SLC35F3: variants seen among roughly 807,000 people sequenced by gnomAD.
SLC35F3 encodes putative thiamine transporter SLC35F3.
In SLC35F3, 25 loss-of-function variants were observed where a neutral mutation model predicts 49.9. The ratio of observed to expected loss-of-function variants is 0.50; its 90% confidence interval spans 0.37 to 0.70. The LOEUF (loss-of-function observed/expected upper bound fraction) is 0.70. SLC35F3 is among the 30% of genes least tolerant of loss of function. The pLI, the probability that SLC35F3 is intolerant of heterozygous loss-of-function variation, is 0.00. For missense variants in SLC35F3, 525 were observed against 639.8 expected (o/e 0.82, Z 1.94); for synonymous variants, 275 against 265.4 (o/e 1.04, Z -0.35).
chr1:234,199,020 C>A (rs579714), intron 2 of SLC35F3, among the ~76,000 whole-genome samples: 54,918 of 150,566 alleles, frequency 0.36, 17,505 homozygotes, highest in East Asian at 0.89. Context: ...GGAGTTCAAG[C>A]CTAGCTTGGG....
intron 4 of SLC35F3, among the ~76,000 whole-genome samples, chr1:234,314,593 T>G (rs1379705413): frequency 2.0e-5 from 3 of 152,128 alleles, no homozygotes; most frequent in Non-Finnish European, 4.4e-5. Flanking sequence ...AAACCCCGTC[T>G]CTACTAAAAA....
At chr1:234,251,928 G>A (rs1392190788) in intron 3 of SLC35F3, among the ~76,000 whole-genome samples, 3 of 151,686 alleles carry the variant, frequency 2.0e-5, no homozygotes, top group African/African-American at 7.3e-5. Flanking sequence ...CCTACTGTAA[G>A]CCTAGATAAA....
intron 3 of SLC35F3, among the ~76,000 whole-genome samples, chr1:234,259,452 T>C (rs536446567): frequency 9.2e-5 from 14 of 152,228 alleles, no homozygotes; most frequent in African/African-American, 3.4e-4. Flanking sequence ...AGGATGCTTC[T>C]CCAGATGCAG....
intron 2 of SLC35F3, among the ~76,000 whole-genome samples, chr1:234,068,885 T>C (rs1203545492): frequency 2.6e-4 from 35 of 132,976 alleles, no homozygotes; most frequent in Admixed American, 4.2e-4. Context: ...TTACATATTT[T>C]TTATATTTAT....
intron 2 of SLC35F3, among the ~76,000 whole-genome samples, chr1:233,939,280 T>A (rs1484821515): frequency 1.3e-5 from 2 of 152,054 alleles, no homozygotes; most frequent in African/African-American, 4.8e-5. Context: ...AACAACACCC[T>A]GTCTGTGCAA....
At chr1:233,913,709 T>C (rs1661922691) in intron 2 of SLC35F3, among the ~76,000 whole-genome samples, 1 of 152,224 alleles carries the variant, frequency 6.6e-6, no homozygotes, top group Admixed American at 6.5e-5. Flanking sequence ...TCCAGAATTA[T>C]CCTGCATAGA....
intron 2 of SLC35F3, among the ~76,000 whole-genome samples, chr1:234,001,324 C>T (rs946860228): frequency 1.3e-5 from 2 of 152,186 alleles, no homozygotes; most frequent in Admixed American, 1.3e-4. Context: ...AACTCTTGAT[C>T]AACAAGCAAC....
chr1:234,226,066 T>G, intron 2 of SLC35F3, among the ~76,000 whole-genome samples: 1 of 152,348 alleles, frequency 6.6e-6, no homozygotes. Flanking sequence ...TTCGGCATGA[T>G]AGAAATGTTC....
intron 3 of SLC35F3, among the ~76,000 whole-genome samples, chr1:234,301,432 T>C (rs1426602747): frequency 6.6e-6 from 1 of 151,932 alleles, no homozygotes; most frequent in Non-Finnish European, 1.5e-5. Context: ...AACAAACATA[T>C]GAAAAAAATG....
intron 3 of SLC35F3, among the ~76,000 whole-genome samples, chr1:234,273,268 G>C (rs74821111): frequency 6.6e-6 from 1 of 152,140 alleles, no homozygotes; most frequent in Non-Finnish European, 1.5e-5. Context: ...CCTTATACAG[G>C]CTGTTGCCTA....
chr1:234,243,545 G>A (rs114737708), intron 3 of SLC35F3, among the ~76,000 whole-genome samples: 204 of 152,310 alleles, frequency 1.3e-3, no homozygotes, highest in Middle Eastern at 6.8e-3. Flanking sequence ...AGTAGATTGA[G>A]GGACACATGT....
chr1:234,213,434 C>T (rs748843969), intron 2 of SLC35F3: 6 of 152,236 alleles, frequency 3.9e-5, no homozygotes, highest in African/African-American at 9.7e-5. Context: ...CTGCATGAGC[C>T]CTGTGTGTCC....
At chr1:234,172,350 C>G (rs1666411490) in intron 2 of SLC35F3, among the ~76,000 whole-genome samples, 2 of 152,206 alleles carry the variant, frequency 1.3e-5, no homozygotes. Context: ...ACTCAGCCTC[C>G]CAAGTAGCTG....
intron 2 of SLC35F3, among the ~76,000 whole-genome samples, chr1:234,073,901 C>A (rs1664756338): frequency 6.6e-6 from 1 of 152,052 alleles, no homozygotes; most frequent in Non-Finnish European, 1.5e-5. Context: ...ACCATCTGGG[C>A]CATTTTTAAG....
chr1:234,322,084 A>G (rs1218052920), intron 7 of SLC35F3, among the ~76,000 whole-genome samples: 1 of 151,672 alleles, frequency 6.6e-6, no homozygotes, highest in African/African-American at 2.4e-5. Context: ...AGTGCCAGCT[A>G]CTCAGGAGGC....
chr1:233,914,407 A>G (rs1030455736), intron 2 of SLC35F3, among the ~76,000 whole-genome samples: 2 of 152,068 alleles, frequency 1.3e-5, no homozygotes, highest in Non-Finnish European at 2.9e-5. Context: ...TCCCTCCTAC[A>G]TCAATGTCTT....
intron 2 of SLC35F3, among the ~76,000 whole-genome samples, chr1:234,186,009 G>A (rs563987403): frequency 6.2e-4 from 95 of 152,280 alleles, no homozygotes; most frequent in African/African-American, 2.2e-3. Flanking sequence ...TGAGTGCCGC[G>A]TAGACAGTTT....
chr1:233,906,755 C>T (rs961022008), intron 2 of SLC35F3, among the ~76,000 whole-genome samples: 1 of 151,608 alleles, frequency 6.6e-6, no homozygotes, highest in African/African-American at 2.4e-5. Context: ...TCATATTCAT[C>T]ACTAAAAAAA....
chr1:234,247,855 G>GCTGGTGCATTGTTTGATGGGTCAGTTGA (rs2102960797), intron 3 of SLC35F3, among the ~76,000 whole-genome samples: 2 of 150,608 alleles, frequency 1.3e-5, no homozygotes, highest in East Asian at 3.9e-4. Context: ...GGGTCAGTTG[G>GCTGGTGCATTGTTTGATGGGTCAGTTGA]CTGGTGCATT....
Sources: allele counts gnomAD v4.1 joint callset (sites outside exome capture counted in the v4.1 genomes callset), GRCh38; gene constraint gnomAD v4.1.1; transcripts MANE v1.5; gene names NCBI Gene and HGNC (gene_info 2026-07-23, HGNC 2026-07-21).